DPYSL5: variants seen among roughly 807,000 people sequenced by gnomAD.
The protein encoded by DPYSL5 is dihydropyrimidinase-related protein 5.
In DPYSL5, 9 loss-of-function variants were observed where a neutral mutation model predicts 58.4. That is an observed-to-expected ratio of 0.15 (90% CI 0.09 to 0.27). The LOEUF (loss-of-function observed/expected upper bound fraction) is 0.27, where lower values mean the gene tolerates loss of function less well. Ranked by LOEUF, DPYSL5 falls within the 10% of genes least tolerant of loss-of-function variation. The pLI, the probability that DPYSL5 is intolerant of heterozygous loss-of-function variation, is 1.00. For missense variants in DPYSL5, 499 were observed against 770.6 expected (o/e 0.65, Z 4.17); for synonymous variants, 293 against 301.9 (o/e 0.97, Z 0.31).
rs978917392 is a variant in DPYSL5 at position 26,907,104 on chromosome 2, A to T, written c.261+8344A>T. On this transcript the variant is annotated intron_variant, in intron 2 of 12. Transcript: ENST00000288699. ...TTTAAAACTCCACATTTACATTTTT[A>T]TTTATTTATTTATTTATTTTATTTT... 1.9e-4 allele frequency among the ~76,000 whole-genome samples: 29 copies of T among 149,814 alleles called. 1 individual carries two copies. The highest frequency in any genetic ancestry group is 7.1e-4 in the African/African-American group (29 of 40,654).
chr2:26,907,314 A>T (rs1416701288), intron 2 of DPYSL5, among the ~76,000 whole-genome samples: 1 of 151,950 alleles, frequency 6.6e-6, no homozygotes. Flanking sequence ...GAGTTTCTCC[A>T]TGTTGGTCAG....
chr2:26,874,913 C>T (rs925147781), intron 1 of DPYSL5, among the ~76,000 whole-genome samples: 1 of 152,178 alleles, frequency 6.6e-6, no homozygotes, highest in East Asian at 1.9e-4. Context: ...ATCTGTAGAT[C>T]AGATTGGAAA....
At chr2:26,851,779 C>T (rs1665763173) in intron 1 of DPYSL5, among the ~76,000 whole-genome samples, 1 of 152,078 alleles carries the variant, frequency 6.6e-6, no homozygotes, top group South Asian at 2.1e-4. Flanking sequence ...TCCATCTCTA[C>T]TAAAAATACA....
At chr2:26,852,555 T>G (rs1665781945) in intron 1 of DPYSL5, among the ~76,000 whole-genome samples, 1 of 152,202 alleles carries the variant, frequency 6.6e-6, no homozygotes, top group South Asian at 2.1e-4. Flanking sequence ...TGCCAAGCAC[T>G]CCCATCAATC....
rs2148137082 is a variant in DPYSL5, at chr2:26,898,668, C to T, written c.169C>T (p.Leu57=). The T allele has an allele frequency of 6.2e-7, 1 of 1,614,236 alleles. No individual in the cohort carries two copies. Among genetic ancestry groups the T allele is most frequent in the Non-Finnish European group, 8.5e-7 (1 of 1,180,038 alleles). The change falls in exon 2 of 13, where the codon CTG becomes TTG. Residue 57 remains leucine, a synonymous_variant. Coordinates refer to ENST00000288699, the MANE Select transcript of DPYSL5 (RefSeq NM_020134.4). The surrounding 1 kb of genome is among the most constrained non-coding windows in gnomAD (Gnocchi z 6.1). ...CAAGGTGATTGATGCCACAGGAAAA[C>T]TGGTGATCCCTGGTGGCATCGACAC... is the stretch of plus-strand genomic sequence containing the variant. ...GAKVIDATGK[L]VIPGGIDTST...
intron 8 of DPYSL5, among the ~76,000 whole-genome samples, chr2:26,936,945 T>TAAAAAAAAAAAAAAAAAAAAAAAAAA (rs55795892): frequency 2.6e-5 from 2 of 77,870 alleles, no homozygotes; most frequent in African/African-American, 1.0e-4. Context: ...AGACTTCATT[T>TAAAAAAAAAAAAAAAAAAAAAAAAAA]AAAAAAAAAA....
At chr2:26,910,461 A>G (rs1664406224) in intron 2 of DPYSL5, among the ~76,000 whole-genome samples, 1 of 152,022 alleles carries the variant, frequency 6.6e-6, no homozygotes, top group Admixed American at 6.6e-5. Context: ...GCATTTCCTT[A>G]GTGACTAGTG....
intron 1 of DPYSL5, among the ~76,000 whole-genome samples, chr2:26,873,104 A>C (rs1663314022): frequency 6.6e-6 from 1 of 152,134 alleles, no homozygotes; most frequent in South Asian, 2.1e-4. Flanking sequence ...TGCAATTCCT[A>C]CTATATTATA....
chr2:26,885,272 C>T (rs1663688121), intron 1 of DPYSL5, among the ~76,000 whole-genome samples: 1 of 152,152 alleles, frequency 6.6e-6, no homozygotes, highest in Non-Finnish European at 1.5e-5. Flanking sequence ...ACCCATGACG[C>T]TGGCCAATGC....
intron 2 of DPYSL5, among the ~76,000 whole-genome samples, chr2:26,903,940 C>T (rs202205339): frequency 1.3e-5 from 2 of 152,226 alleles, no homozygotes; most frequent in African/African-American, 4.8e-5. Context: ...GGCCCTCTTC[C>T]GTGAGGGTCC....
intron 1 of DPYSL5, among the ~76,000 whole-genome samples, chr2:26,895,102 C>G (rs923328595): frequency 6.6e-6 from 1 of 152,176 alleles, no homozygotes; most frequent in Non-Finnish European, 1.5e-5. Flanking sequence ...ATCAGTTGAC[C>G]ATAGTTGTCA....
intron 1 of DPYSL5, among the ~76,000 whole-genome samples, chr2:26,895,456 AT>A (rs1193844589): frequency 2.6e-5 from 4 of 152,008 alleles, no homozygotes; most frequent in Admixed American, 1.3e-4. Flanking sequence ...CTTTTTTTAT[AT>A]TGACAGATAA....
chr2:26,883,485 G>A (rs535333959), intron 1 of DPYSL5, among the ~76,000 whole-genome samples: 5 of 152,094 alleles, frequency 3.3e-5, no homozygotes, highest in African/African-American at 4.8e-5. Context: ...TGCAACCTCC[G>A]ATCCCCGGGT....
chr2:26,942,624 C>A lies in DPYSL5; in HGVS notation c.1314C>A (p.Val438=). ...ENMRCHGVPL[V]TISRGRVVYE... ...TGCGCTGCCACGGCGTGCCACTGGTCACCATCAGCCGGGGGCGCGTCGTGT... is the reference window on the plus strand; with the variant it reads ...TGCGCTGCCACGGCGTGCCACTGGTAACCATCAGCCGGGGGCGCGTCGTGT... The change falls in exon 11 of 13, where the codon GTC becomes GTA. Residue 438 remains valine, a synonymous_variant. Coordinates refer to ENST00000288699, the MANE Select transcript of DPYSL5 (RefSeq NM_020134.4). This position sits in a 1 kb window ranked among gnomAD's most constrained non-coding sequence, Gnocchi z 5.9. 6.2e-7 allele frequency: 1 copy of A among 1,614,160 alleles called. No individual in the cohort carries two copies. The highest frequency in any genetic ancestry group is 1.1e-5 in the South Asian group (1 of 91,076).
chr2:26,901,562 G>A (rs762553995), intron 2 of DPYSL5, among the ~76,000 whole-genome samples: 33 of 152,248 alleles, frequency 2.2e-4, no homozygotes, highest in East Asian at 3.9e-4. Flanking sequence ...TGCAGAGGCC[G>A]CGCACCCTGA....
At chr2:26,857,552 G>GA (rs1418446757) in intron 1 of DPYSL5, among the ~76,000 whole-genome samples, 4 of 150,150 alleles carry the variant, frequency 2.7e-5, no homozygotes, top group Non-Finnish European at 4.4e-5. Flanking sequence ...AAAAAAAAAA[G>GA]AAAAAAAATC....
At chr2:26,864,689 A>T (rs1260174241) in intron 1 of DPYSL5, among the ~76,000 whole-genome samples, 1 of 152,196 alleles carries the variant, frequency 6.6e-6, no homozygotes, top group Admixed American at 6.5e-5. Context: ...TGGGAAGAAG[A>T]CGCTAGGCAG....
intron 1 of DPYSL5, among the ~76,000 whole-genome samples, chr2:26,882,109 A>AG (rs1277481242): frequency 2.6e-5 from 4 of 151,500 alleles, no homozygotes; most frequent in Non-Finnish European, 2.9e-5. Context: ...AAAAAAAAAA[A>AG]AAAGAAAGAA....
At chr2:26,897,425 T>C (rs765870584) in intron 1 of DPYSL5, among the ~76,000 whole-genome samples, 5 of 152,238 alleles carry the variant, frequency 3.3e-5, no homozygotes, top group African/African-American at 4.8e-5. Context: ...GATTTTATGA[T>C]TTTTCTTCCT....
Sources: gnomAD v4.1 joint callset for allele counts (sites outside exome capture counted in the v4.1 genomes callset) on GRCh38, gnomAD v4.1.1 for gene constraint, Gnocchi (gnomAD v3.1) non-coding constraint, MANE v1.5 for transcripts, NCBI Gene and HGNC (gene_info 2026-07-23, HGNC 2026-07-21) for gene names.